The following ME3 variants were observed in gnomAD, a reference collection of about 807,000 sequenced individuals.
ME3 encodes malic enzyme 3, also known as NADP-dependent malic enzyme, mitochondrial.
In ME3, 48 loss-of-function variants were observed where a neutral mutation model predicts 68.9. The observed-to-expected ratio is 0.70, with a 90% CI of 0.55 to 0.89. The LOEUF (loss-of-function observed/expected upper bound fraction) is 0.89, where lower values mean the gene tolerates loss of function less well. Among genes scored for constraint, ME3 ranks in the 40% least tolerant of loss-of-function variants. The pLI is 0.00. For synonymous variants in ME3, 320 were observed against 318.8 expected, an observed-to-expected ratio of 1.00 and a Z score of -0.04; for missense variants, 675 against 797.4, an observed-to-expected ratio of 0.85 and a Z score of 1.85.
At chr11:86,503,730 A>G (rs1325078957) in intron 5 of ME3, among the ~76,000 whole-genome samples, 4 of 152,254 alleles carry the variant, frequency 2.6e-5, no homozygotes, top group African/African-American at 9.6e-5. Flanking sequence ...CGCTCTAAGT[A>G]TAAACACCTA....
intron 7 of ME3, among the ~76,000 whole-genome samples, chr11:86,478,556 T>G (rs1248101463): frequency 6.6e-6 from 1 of 152,158 alleles, no homozygotes; most frequent in Admixed American, 6.5e-5. Context: ...TTCCCACATC[T>G]TGTCAATTTT....
intron 2 of ME3, among the ~76,000 whole-genome samples, chr11:86,608,808 T>C (rs1942343823): frequency 6.6e-6 from 1 of 152,180 alleles, no homozygotes; most frequent in Non-Finnish European, 1.5e-5. Flanking sequence ...TATCAGATAA[T>C]TAACTGGTAT....
intron 12 of ME3, 98 bp downstream of exon 12, chr11:86,446,967 C>T (rs1565788764): frequency 1.4e-6 from 2 of 1,435,742 alleles, no homozygotes; most frequent in Non-Finnish European, 1.9e-6. Context: ...TCAGTTTGCT[C>T]ATCAGCGATG....
chr11:86,548,795 C>G (rs959252430), intron 4 of ME3, among the ~76,000 whole-genome samples: 5 of 152,132 alleles, frequency 3.3e-5, no homozygotes, highest in African/African-American at 9.7e-5. Flanking sequence ...TTATAGGTCA[C>G]GCTACTAGTT....
At chr11:86,647,797 C>T (rs1023167525) in intron 2 of ME3, among the ~76,000 whole-genome samples, 3 of 152,094 alleles carry the variant, frequency 2.0e-5, no homozygotes, top group African/African-American at 7.2e-5. Context: ...GACTCCCACA[C>T]AATAATAGTG....
chr11:86,620,342 T>A lies in ME3; in HGVS notation c.183+51420A>T, dbSNP rs377091154. On this transcript the variant is annotated intron_variant, in intron 2 of 14. Transcript: ENST00000543262. ...TCATGAAATGGTCTCAGACATGTAATCTTTTAATTTTCCCAGCTTGCTTTT... is the reference window on the plus strand; with the variant it reads ...TCATGAAATGGTCTCAGACATGTAAACTTTTAATTTTCCCAGCTTGCTTTT... 7.8e-4 allele frequency among the ~76,000 whole-genome samples: 119 copies of A among 152,330 alleles called. 3 individuals are homozygous for A. In the East Asian group the frequency reaches 0.017, roughly 21 times the overall value.
At chr11:86,501,082 C>A (rs1952692975) in intron 5 of ME3, among the ~76,000 whole-genome samples, 1 of 151,822 alleles carries the variant, frequency 6.6e-6, no homozygotes, top group African/African-American at 2.4e-5. Context: ...AGTCTGATAA[C>A]CAGTTTTTGA....
At chr11:86,612,174 G>T (rs1942631055) in intron 2 of ME3, among the ~76,000 whole-genome samples, 1 of 152,120 alleles carries the variant, frequency 6.6e-6, no homozygotes, top group Non-Finnish European at 1.5e-5. Context: ...TTGGTTTTCT[G>T]TTCCTGTGTT....
At chr11:86,584,960 G>GA (rs1483917233) in intron 2 of ME3, among the ~76,000 whole-genome samples, 1 of 152,064 alleles carries the variant, frequency 6.6e-6, no homozygotes, top group African/African-American at 2.4e-5. Flanking sequence ...TCACCACAGT[G>GA]AAAAAAACTG....
intron 2 of ME3, among the ~76,000 whole-genome samples, chr11:86,665,666 G>A (rs948764452): frequency 2.0e-5 from 3 of 152,158 alleles, no homozygotes; most frequent in African/African-American, 7.2e-5. Context: ...TAAATGAGAG[G>A]CGCTAAAGGG....
intron 7 of ME3, among the ~76,000 whole-genome samples, chr11:86,470,836 C>G (rs569552965): frequency 6.6e-6 from 1 of 152,320 alleles, no homozygotes; most frequent in African/African-American, 2.4e-5. Context: ...TTCCCCTCCC[C>G]CAATCCATCT....
At chr11:86,493,917 C>G (rs556273510) in intron 6 of ME3, among the ~76,000 whole-genome samples, 34 of 152,256 alleles carry the variant, frequency 2.2e-4, no homozygotes, top group African/African-American at 6.5e-4. Flanking sequence ...ACCCTCATGA[C>G]AGCATCCTCC....
intron 2 of ME3, among the ~76,000 whole-genome samples, chr11:86,611,881 G>A (rs186173019): frequency 2.2e-3 from 330 of 152,178 alleles, no homozygotes; most frequent in Non-Finnish European, 3.8e-3. Context: ...CCATTTATTG[G>A]ATATGCATTA....
Position 86,627,973 on chromosome 11 carries a change from TC to T in ME3, c.183+43788del, listed in dbSNP as rs747267508. Among the ~76,000 whole-genome samples, 14 of 151,984 alleles carry T rather than the reference TC, an allele frequency of 9.2e-5. No homozygotes were observed. The East Asian group carries it at 2.5e-3, about 27-fold the overall frequency. Reference sequence around the variant, plus strand: ...AGGATGTCTATGCTTCCAGCTAAAGTCCCCCCACCCTCCATGTCCAGTCACC... The same window carrying T: ...AGGATGTCTATGCTTCCAGCTAAAGTCCCCCACCCTCCATGTCCAGTCACC... On this transcript the variant is annotated intron_variant, in intron 2 of 14. Coordinates refer to ENST00000543262, the Ensembl canonical transcript of ME3.
intron 4 of ME3, among the ~76,000 whole-genome samples, chr11:86,544,289 A>G (rs952513398): frequency 6.6e-6 from 1 of 152,216 alleles, no homozygotes; most frequent in African/African-American, 2.4e-5. Context: ...GCAGAAGACA[A>G]GAAATAACTA....
intron 2 of ME3, chr11:86,667,901 A>G (rs1163240185): frequency 2.0e-5 from 3 of 152,240 alleles, no homozygotes; most frequent in African/African-American, 7.2e-5. Flanking sequence ...GAGGGGTCAT[A>G]TAACCAAAGA....
At chr11:86,443,565 T>C (rs1296504265) in intron 13 of ME3, among the ~76,000 whole-genome samples, 1 of 152,250 alleles carries the variant, frequency 6.6e-6, no homozygotes, top group Non-Finnish European at 1.5e-5. Context: ...TGCTGGAGTT[T>C]GTTCAGCCTT....
chr11:86,585,767 G>C (rs1958697854), intron 2 of ME3, among the ~76,000 whole-genome samples: 1 of 152,152 alleles, frequency 6.6e-6, no homozygotes, highest in Non-Finnish European at 1.5e-5. Context: ...AGAGAGCTTA[G>C]AGCAAAAACA....
rs1375917459 is a variant in ME3 at position 86,462,358 on chromosome 11, C to G, written c.919+2733G>C. On this transcript the variant is annotated intron_variant, in intron 8 of 14. Coordinates refer to ENST00000543262, the Ensembl canonical transcript of ME3. The stretch of plus-strand genomic sequence containing the variant: ...ATACTAGTCTATTTATGTGTTAATC[C>G]ACTACTGATGTTATTAGTAAGGCTT... Among the ~76,000 whole-genome samples the G allele has an allele frequency of 2.0e-5, 3 of 152,104 alleles. No individual in the cohort carries two copies. In the East Asian group the frequency reaches 5.8e-4, roughly 29 times the overall value.
Sources: allele counts gnomAD v4.1 joint callset (sites outside exome capture counted in the v4.1 genomes callset), GRCh38; gene constraint gnomAD v4.1.1; transcripts MANE v1.5; gene names NCBI Gene and HGNC (gene_info 2026-07-23, HGNC 2026-07-21).